ZNF714: variants seen among roughly 807,000 people sequenced by gnomAD.
ZNF714 encodes zinc finger protein 714.
In ZNF714, 32 loss-of-function variants were observed where a neutral mutation model predicts 46.2. The observed-to-expected ratio is 0.69, with a 90% CI of 0.52 to 0.93. The LOEUF is 0.93. Ranked by LOEUF, ZNF714 falls within the 40% of genes least tolerant of loss-of-function variation. ZNF714 has a pLI of 0.00. For missense variants in ZNF714, 635 were observed against 646.3 expected (o/e 0.98, Z 0.19); for synonymous variants, 199 against 213.1 (o/e 0.93, Z 0.58).
rs1281852804 is a variant in ZNF714, at chr19:21,117,817, A to T, written c.1153A>T (p.Thr385Ser). ...GKAFNHSSKL[T>S]IHKIIHTGEK... ...AGCCTTTAACCACTCCTCAAAACTTACTATACATAAGATAATTCATACTGG... is the reference window on the plus strand; with the variant it reads ...AGCCTTTAACCACTCCTCAAAACTTTCTATACATAAGATAATTCATACTGG... The change falls in exon 5 of 5, where the codon ACT (threonine) becomes TCT (serine). Residue 385 changes from threonine to serine, a missense_variant. Thr to Ser is a moderately conservative substitution (Grantham distance 58, BLOSUM62 1). Coordinates refer to ENST00000456283, the MANE Select transcript of ZNF714 (RefSeq NM_182515.4). The T allele has an allele frequency of 1.2e-6, 2 of 1,612,376 alleles. No homozygotes were observed. The highest frequency in any genetic ancestry group is 8.5e-7 in the Non-Finnish European group (1 of 1,179,138).
rs1399943447 is a variant in ZNF714 at position 21,125,083 on chromosome 19, A to G, written c.*6751A>G. Reference sequence around the variant, plus strand: ...ATGGAAAATCCCCGTCTCTACAAAAAAAAAAAAAAAATCTCAGCTGGGCAT... The same window carrying G: ...ATGGAAAATCCCCGTCTCTACAAAAGAAAAAAAAAAATCTCAGCTGGGCAT... On this transcript the variant is annotated 3_prime_UTR_variant, in exon 5 of 5. Coordinates refer to ENST00000456283, the MANE Select transcript of ZNF714 (RefSeq NM_182515.4). 6.6e-6 allele frequency: 1 copy of G among 151,424 alleles called. No individual in the cohort carries two copies. Among genetic ancestry groups the G allele is most frequent in the African/African-American group, 2.4e-5 (1 of 41,216 alleles). 9.4% of individuals were successfully genotyped at this position (151,424 alleles called of 1,614,324 possible). A position where few individuals can be genotyped will look rare whatever the true frequency, so the allele number is the denominator to read the frequency against.
At chr19:21,086,361 T>C (rs1180471075) in intron 2 of ZNF714, among the ~76,000 whole-genome samples, 4 of 152,162 alleles carry the variant, frequency 2.6e-5, no homozygotes, top group Admixed American at 2.0e-4. Flanking sequence ...AGTAAAGGAA[T>C]AAAATAATGG....
Position 21,119,083 on chromosome 19 carries a change from C to T in ZNF714, c.*751C>T, listed in dbSNP as rs968038001. On this transcript the variant is annotated 3_prime_UTR_variant, in exon 5 of 5. Coordinates refer to ENST00000456283, the MANE Select transcript of ZNF714 (RefSeq NM_182515.4). ...ATACTTAATAAAAGCATTATAAGTACAATTACTGTCAAAAGACCTTTCAGA... is the reference window on the plus strand; with the variant it reads ...ATACTTAATAAAAGCATTATAAGTATAATTACTGTCAAAAGACCTTTCAGA... The T allele has an allele frequency of 2.2e-5, 10 of 451,112 alleles. No homozygotes were observed. The highest frequency in any genetic ancestry group is 1.2e-4 in the African/African-American group (6 of 49,412). The allele number at this position is 451,112 out of a possible 1,614,324, so 27.9% of individuals were successfully genotyped here.
At chr19:21,106,870 C>T (rs1170520111) in intron 4 of ZNF714, among the ~76,000 whole-genome samples, 1 of 152,014 alleles carries the variant, frequency 6.6e-6, no homozygotes, top group Non-Finnish European at 1.5e-5. Flanking sequence ...GCTCTGTCAC[C>T]AGGCTGGAGT....
chr19:21,106,297 C>T (rs1969311352), intron 4 of ZNF714, among the ~76,000 whole-genome samples: 2 of 151,578 alleles, frequency 1.3e-5, no homozygotes, highest in Non-Finnish European at 1.5e-5. Flanking sequence ...GGGCCGGGCA[C>T]GGTGGCTCAC....
chr19:21,098,881 A>C lies in ZNF714; in HGVS notation c.113A>C (p.Lys38Thr). 5 of 1,610,736 alleles carry C rather than the reference A, an allele frequency of 3.1e-6. No homozygotes were observed. Among genetic ancestry groups the C allele is most frequent in the Non-Finnish European group, 4.2e-6 (5 of 1,178,134 alleles). ...LEQEKEPWNM[K>T]ICEMVDESPA... is the part of the protein sequence containing the mutation. ...CAAGAAAAAGAGCCCTGGAATATGAAGATATGTGAGATGGTGGATGAATCC... is the reference window on the plus strand; with the variant it reads ...CAAGAAAAAGAGCCCTGGAATATGACGATATGTGAGATGGTGGATGAATCC... The change falls in exon 4 of 5, where the codon AAG (lysine) becomes ACG (threonine). Residue 38 changes from lysine to threonine, a missense_variant. Transcript: ENST00000456283.
chr19:21,083,574 A>G (rs1422290120), intron 1 of ZNF714, among the ~76,000 whole-genome samples: 3 of 152,000 alleles, frequency 2.0e-5, no homozygotes, highest in Non-Finnish European at 4.4e-5. Context: ...TTTCCTCCCT[A>G]ATTCACGTTA....
intron 4 of ZNF714, among the ~76,000 whole-genome samples, chr19:21,103,887 C>T (rs1426338605): frequency 6.6e-6 from 1 of 152,226 alleles, no homozygotes; most frequent in East Asian, 1.9e-4. Context: ...GAGTGAGACC[C>T]TGTCTCAAAA....
chr19:21,114,310 C>G (rs1001114066), intron 4 of ZNF714, among the ~76,000 whole-genome samples: 3 of 151,728 alleles, frequency 2.0e-5, no homozygotes, highest in Non-Finnish European at 2.9e-5. Flanking sequence ...GTGGCGGGTG[C>G]CTGTAGTCCC....
chr19:21,115,742 G>A (rs1033554942), intron 4 of ZNF714, among the ~76,000 whole-genome samples: 1 of 151,602 alleles, frequency 6.6e-6, no homozygotes, highest in Middle Eastern at 3.4e-3. Context: ...ATATCTTTGT[G>A]TGTATCCTAA....
chr19:21,099,180 T>C (rs1969113703), intron 4 of ZNF714, among the ~76,000 whole-genome samples: 1 of 151,948 alleles, frequency 6.6e-6, no homozygotes, highest in Non-Finnish European at 1.5e-5. Flanking sequence ...TTTTGTTTTG[T>C]TTTGTTTTGT....
rs1429514883 is a variant in ZNF714, at chr19:21,119,930, A to G, written c.*1598A>G. On this transcript the variant is annotated 3_prime_UTR_variant, in exon 5 of 5. Transcript: ENST00000456283. Reference sequence around the variant, plus strand: ...TTACAGATTTTTTGAAAAGTGAATAATGATGTCATTCAACTCTGAAATTCC... The same window carrying G: ...TTACAGATTTTTTGAAAAGTGAATAGTGATGTCATTCAACTCTGAAATTCC... 6.6e-6 allele frequency: 1 copy of G among 152,246 alleles called. No individual in the cohort carries two copies. Among genetic ancestry groups the G allele is most frequent in the Non-Finnish European group, 1.5e-5 (1 of 68,046 alleles). 9.4% of individuals were successfully genotyped at this position (152,246 alleles called of 1,614,324 possible). A position where few individuals can be genotyped will look rare whatever the true frequency, so the allele number is the denominator to read the frequency against.
At chr19:21,109,183 A>G (rs1461060821) in intron 4 of ZNF714, among the ~76,000 whole-genome samples, 1 of 152,134 alleles carries the variant, frequency 6.6e-6, no homozygotes, top group Non-Finnish European at 1.5e-5. Flanking sequence ...TATGCTTTTT[A>G]ACTTAAGCCA....
intron 4 of ZNF714, among the ~76,000 whole-genome samples, chr19:21,111,822 G>T (rs1969455348): frequency 6.6e-6 from 1 of 152,154 alleles, no homozygotes; most frequent in South Asian, 2.1e-4. Flanking sequence ...GGCCTTTTCT[G>T]CATCTATTGA....
chr19:21,103,729 C>T (rs186987297), intron 4 of ZNF714, among the ~76,000 whole-genome samples: 1 of 152,100 alleles, frequency 6.6e-6, no homozygotes, highest in Non-Finnish European at 1.5e-5. Flanking sequence ...GATTCCCTCT[C>T]TACAAAAATT....
At chr19:21,095,204 T>C (rs1969007794) in intron 2 of ZNF714, among the ~76,000 whole-genome samples, 1 of 152,170 alleles carries the variant, frequency 6.6e-6, no homozygotes, top group African/African-American at 2.4e-5. Context: ...AGGCAGGCCT[T>C]GCATAATGTC....
Position 21,098,860 on chromosome 19 carries a change from A to G in ZNF714, c.92A>G (p.Glu31Gly). 6.2e-7 allele frequency: 1 copy of G among 1,611,740 alleles called. No homozygotes were observed. Among genetic ancestry groups the G allele is most frequent in the Non-Finnish European group, 8.5e-7 (1 of 1,178,824 alleles). The change falls in exon 4 of 5, where the codon GAA (glutamate) becomes GGA (glycine). Residue 31 changes from glutamate (E) to glycine (G), a missense_variant. Physicochemically the swap from Glu to Gly is moderately conservative, Grantham distance 98 (BLOSUM62 -2). Coordinates refer to ENST00000456283, the MANE Select transcript of ZNF714 (RefSeq NM_182515.4). ...GACCCGATCACCAGTCTAGAGCAAGAAAAAGAGCCCTGGAATATGAAGATA... is the reference window on the plus strand; with the variant it reads ...GACCCGATCACCAGTCTAGAGCAAGGAAAAGAGCCCTGGAATATGAAGATA... The part of the protein sequence containing the change: ...KQDPITSLEQ[E>G]KEPWNMKICE...
At chr19:21,103,437 G>A (rs1969235590) in intron 4 of ZNF714, among the ~76,000 whole-genome samples, 2 of 151,888 alleles carry the variant, frequency 1.3e-5, no homozygotes, top group Admixed American at 6.6e-5. Flanking sequence ...CCTGTTGTTC[G>A]GGCTACACAG....
In ZNF714 at chr19:21,098,813, A is replaced by T. The variant is rs565526348; in HGVS notation, c.45A>T (p.Ala15=). Residue 15 remains alanine, a splice_region_variant and synonymous_variant, in exon 4 of 5, where the codon GCA becomes GCT. Coordinates refer to ENST00000456283, the MANE Select transcript of ZNF714 (RefSeq NM_182515.4). ...LENYKNLVFL[A]GIAVSKQDPI... ...TTATGCTATTTACTTTTAATAAAGC[A>T]GGTATTGCTGTCTCTAAGCAAGACC... 96 of 1,603,532 alleles carry T rather than the reference A, an allele frequency of 6.0e-5. 4 individuals are homozygous for T. The South Asian group carries it at 9.3e-4, about 16-fold the overall frequency.
Sources: gnomAD v4.1 joint callset for allele counts (sites outside exome capture counted in the v4.1 genomes callset) on GRCh38, gnomAD v4.1.1 for gene constraint, MANE v1.5 for transcripts, NCBI Gene and HGNC (gene_info 2026-07-23, HGNC 2026-07-21) for gene names.